Variants in PCDH15 observed in about 807,000 individuals in gnomAD.
PCDH15 encodes the protein protocadherin related 15, also known as protocadherin-15.
A neutral mutation model predicts 178.5 loss-of-function variants in PCDH15; 129 were observed. The ratio of observed to expected loss-of-function variants is 0.72; its 90% CI spans 0.63 to 0.84. PCDH15 has a LOEUF of 0.84. PCDH15 is among the 40% of genes least tolerant of loss of function. The pLI, the probability that PCDH15 is intolerant of heterozygous loss-of-function variation, is 0.00. For synonymous variants in PCDH15, 800 were observed against 732.0 expected, an observed-to-expected ratio of 1.09 and a Z score of -1.50; for missense variants, 2,230 against 2,099.9, an observed-to-expected ratio of 1.06 and a Z score of -1.21.
At chr10:55,169,984 A>AAAGG (rs10557432) in intron 1 of PCDH15, among the ~76,000 whole-genome samples, 1 of 151,034 alleles carries the variant, frequency 6.6e-6, no homozygotes, top group African/African-American at 2.4e-5. Context: ...CTGATAGAAT[A>AAAGG]AAGGAAGGAA....
intron 2 of PCDH15, among the ~76,000 whole-genome samples, chr10:54,555,736 C>CAAAAAAAAAAAAAAAAA (rs869032040): frequency 2.7e-5 from 2 of 73,332 alleles, no homozygotes; most frequent in East Asian, 3.4e-4. Flanking sequence ...GACTCTGTCT[C>CAAAAAAAAAAAAAAAAA]AAAAAAAAAA....
chr10:54,117,863 G>A (rs1378432774), intron 15 of PCDH15, among the ~76,000 whole-genome samples: 2 of 152,086 alleles, frequency 1.3e-5, no homozygotes, highest in Non-Finnish European at 2.9e-5. Flanking sequence ...GGCTGAGTCT[G>A]GGGGTTTTAA....
rs574451571 is a variant in PCDH15, at chr10:54,834,058, T to G, written c.-29+63392A>C. On this transcript the variant is annotated intron_variant, in intron 3 of 5. Coordinates refer to the PCDH15 transcript ENST00000458638. ...TTATTGGACAAGTTACCACAACTGC[T>G]TAGTCTTAATTTCTTCATCTATAAA... Among the ~76,000 whole-genome samples, 170 of 152,334 alleles carry G rather than the reference T, an allele frequency of 1.1e-3. 2 individuals are homozygous for G. Among genetic ancestry groups the G allele is most frequent in the African/African-American group, 3.7e-3 (153 of 41,586 alleles).
intron 21 of PCDH15, among the ~76,000 whole-genome samples, chr10:53,980,248 T>A (rs1447922245): frequency 9.2e-5 from 14 of 151,850 alleles, no homozygotes; most frequent in Non-Finnish European, 1.5e-5. Context: ...AAACTTAATT[T>A]TATTAGGATT....
intron 17 of PCDH15, among the ~76,000 whole-genome samples, chr10:54,078,167 A>G (rs1194082869): frequency 6.6e-6 from 1 of 152,168 alleles, no homozygotes; most frequent in Non-Finnish European, 1.5e-5. Flanking sequence ...ACTGTTTACT[A>G]CAACTGTTCT....
intron 2 of PCDH15, among the ~76,000 whole-genome samples, chr10:54,635,867 A>G (rs753665795): frequency 1.3e-5 from 2 of 151,878 alleles, no homozygotes; most frequent in Non-Finnish European, 2.9e-5. Context: ...TTAATCACAA[A>G]TATTATGGTC....
intron 4 of PCDH15, among the ~76,000 whole-genome samples, 187 bp from the exon 5 acceptor site, chr10:54,369,462 G>T (rs905125956): frequency 2.0e-5 from 3 of 151,988 alleles, no homozygotes; most frequent in South Asian, 4.1e-4. Context: ...GTTTAATTTT[G>T]TATCTCAGCG....
chr10:54,909,425 G>A (rs1399618373), intron 2 of PCDH15, among the ~76,000 whole-genome samples: 1 of 152,174 alleles, frequency 6.6e-6, no homozygotes, highest in Non-Finnish European at 1.5e-5. Flanking sequence ...GGAGGCCAAG[G>A]TAGCATGGGG....
chr10:55,550,475 C>T (rs971670786), intron 2 of PCDH15, among the ~76,000 whole-genome samples: 8 of 152,072 alleles, frequency 5.3e-5, no homozygotes, highest in Admixed American at 5.2e-4. Flanking sequence ...AGAATACAGC[C>T]TCAGTAAGGC....
chr10:54,650,291 C>T (rs2094227933), intron 2 of PCDH15, among the ~76,000 whole-genome samples: 1 of 152,090 alleles, frequency 6.6e-6, no homozygotes, highest in African/African-American at 2.4e-5. Context: ...TCAGATTTCC[C>T]ACATAATAGT....
intron 1 of PCDH15, among the ~76,000 whole-genome samples, chr10:54,754,888 T>C (rs1324724873): frequency 1.6e-5 from 2 of 122,048 alleles, no homozygotes; most frequent in African/African-American, 3.0e-5. Flanking sequence ...TCTAAGTAGA[T>C]AGTAGATTAA....
At chr10:55,374,339 G>A in intron 2 of PCDH15, among the ~76,000 whole-genome samples, 1 of 152,090 alleles carries the variant, frequency 6.6e-6, no homozygotes, top group Admixed American at 6.5e-5. Context: ...TGGCCATGGA[G>A]GACTGACACC....
At chr10:54,238,677 TCACACACA>T (rs71476326) in intron 8 of PCDH15, among the ~76,000 whole-genome samples, 24 of 144,350 alleles carry the variant, frequency 1.7e-4, no homozygotes, top group African/African-American at 5.1e-4. Context: ...TCTCTCTCTC[TCACACACA>T]CACACACACA....
At chr10:53,872,948 T>G (rs1280977173) in intron 26 of PCDH15, among the ~76,000 whole-genome samples, 1 of 152,212 alleles carries the variant, frequency 6.6e-6, no homozygotes, top group Non-Finnish European at 1.5e-5. Context: ...TGAAGGTACT[T>G]ATGCCTTAAT....
chr10:54,186,767 A>T (rs1165594492), intron 11 of PCDH15, among the ~76,000 whole-genome samples: 1 of 152,022 alleles, frequency 6.6e-6, no homozygotes, highest in Admixed American at 6.6e-5. Flanking sequence ...TTTCAGTGTC[A>T]TGAACCCAAT....
chr10:54,612,624 T>C (rs1021381520), intron 2 of PCDH15, among the ~76,000 whole-genome samples: 4 of 151,762 alleles, frequency 2.6e-5, no homozygotes, highest in Non-Finnish European at 5.9e-5. Context: ...TGTGTGGCTC[T>C]TTTTATATTC....
At chr10:55,231,545 A>C (rs1841224109) in intron 1 of PCDH15, among the ~76,000 whole-genome samples, 1 of 152,192 alleles carries the variant, frequency 6.6e-6, no homozygotes, top group South Asian at 2.1e-4. Context: ...TTGGCAATCT[A>C]TTCCAATGAA....
At position 54,301,551 on chromosome 10, in the gene PCDH15, C is replaced by A. The variant is rs191230482; in HGVS notation, c.876+15720G>T. Among the ~76,000 whole-genome samples the A allele has an allele frequency of 2.6e-3, 397 of 152,126 alleles. 1 individual carries two copies. The highest frequency in any genetic ancestry group is 7.1e-3 in the African/African-American group (296 of 41,508). The stretch of plus-strand genomic sequence containing the variant: ...AAAAGAAGTACAATCCAGGCAGAGA[C>A]AACAAGCCCACAGAATATCTTAAAA... On this transcript the variant is annotated intron_variant, in intron 8 of 37. Transcript: ENST00000644397.
chr10:55,103,243 T>C (rs1279416339), intron 2 of PCDH15, among the ~76,000 whole-genome samples: 1 of 152,056 alleles, frequency 6.6e-6, no homozygotes, highest in Non-Finnish European at 1.5e-5. Flanking sequence ...AAAAGCAGTG[T>C]TGAATAATTG....
Sources: allele counts gnomAD v4.1 joint callset (sites outside exome capture counted in the v4.1 genomes callset), GRCh38; gene constraint gnomAD v4.1.1; transcripts MANE v1.5; gene names NCBI Gene and HGNC (gene_info 2026-07-23, HGNC 2026-07-21).